Variants in COL5A1 observed in about 807,000 individuals in gnomAD.
COL5A1 encodes collagen type V alpha 1 chain.
COL5A1 carries 16 observed loss-of-function variants against 263.7 expected under a neutral mutation model. The observed-to-expected ratio is 0.06, with a 90% CI of 0.04 to 0.09. COL5A1 has a LOEUF of 0.09. Ranked by LOEUF, COL5A1 falls within the 10% of genes least tolerant of loss-of-function variation. The probability of loss-of-function intolerance (pLI) is 1.00; values close to 1 mark genes in which losing one functional copy is unlikely to be tolerated. For missense variants in COL5A1, 2,036 were observed against 2,540.5 expected (o/e 0.80, Z 4.27); for synonymous variants, 1,012 against 1,004.5 (o/e 1.01, Z -0.14).
chr9:134,809,421 C>G (rs1176758797), intron 43 of COL5A1, 131 bp downstream of exon 43: 1 of 742,502 alleles, frequency 1.3e-6, no homozygotes, highest in South Asian at 1.5e-5. Context: ...CCACACCCAC[C>G]CCGCAGTCCT....
chr9:134,687,308 T>C (rs1236796995), intron 1 of COL5A1, among the ~76,000 whole-genome samples: 1 of 152,036 alleles, frequency 6.6e-6, no homozygotes. Flanking sequence ...ACCTGGGAAG[T>C]GTAGTTTTTA....
chr9:134,739,827 C>T (rs949306258), intron 11 of COL5A1, among the ~76,000 whole-genome samples: 8 of 152,070 alleles, frequency 5.3e-5, no homozygotes, highest in African/African-American at 9.7e-5. Flanking sequence ...GGGCAGGCGG[C>T]GGCAGCCTTC....
At position 134,824,765 on chromosome 9, in the gene COL5A1, A is replaced by C. The variant is rs1189220718; in HGVS notation, c.4864A>C (p.Ile1622Leu). The stretch of plus-strand genomic sequence containing the variant: ...CTCTCTCAACTCTCTGAAGCTGGAG[A>C]TTGAGCAGATGAAACGGCCCCTGGG... ...FGSLNSLKLEIEQMKRPLGTQ... is the reference protein window; with the variant it reads ...FGSLNSLKLELEQMKRPLGTQ... Residue 1622 changes from isoleucine to leucine, a missense_variant, in exon 62 of 66, where the codon ATT becomes CTT. Physicochemically the swap from Ile to Leu is conservative, Grantham distance 5. This residue lies in a region of COL5A1 where 358 missense variants were observed against 384.6 expected (regional missense o/e 0.93). Coordinates refer to ENST00000371817, the MANE Select transcript of COL5A1 (RefSeq NM_000093.5). 1.2e-6 allele frequency: 2 copies of C among 1,614,154 alleles called. No homozygotes were observed. The highest frequency in any genetic ancestry group is 1.7e-6 in the Non-Finnish European group (2 of 1,180,050).
chr9:134,780,974 T>A (rs958750147), intron 28 of COL5A1, among the ~76,000 whole-genome samples: 1 of 152,240 alleles, frequency 6.6e-6, no homozygotes, highest in Non-Finnish European at 1.5e-5. Context: ...GTTGGTCCCC[T>A]TTGCTGGGCA....
intron 65 of COL5A1, among the ~76,000 whole-genome samples, chr9:134,835,751 G>A (rs374065174): frequency 4.6e-5 from 7 of 152,184 alleles, no homozygotes; most frequent in East Asian, 1.9e-4. Context: ...GAGACCTCAC[G>A]GGCAGTCAGG....
At chr9:134,807,134 C>A (rs11999660) in intron 42 of COL5A1, among the ~76,000 whole-genome samples, 33 of 152,338 alleles carry the variant, frequency 2.2e-4, no homozygotes, top group African/African-American at 7.7e-4. Context: ...GTGTCCCCTA[C>A]CTCTGCATTC....
At chr9:134,712,881 C>T (rs1225820423) in intron 4 of COL5A1, among the ~76,000 whole-genome samples, 1 of 151,956 alleles carries the variant, frequency 6.6e-6, no homozygotes, top group South Asian at 2.1e-4. Context: ...TTTCCAGGTG[C>T]CCCCAGCCCA....
Position 134,842,152 on chromosome 9 carries a change from C to G in COL5A1, c.5371-5C>G. Reference sequence around the variant, plus strand: ...CCACCGGCCATCTGTCTCCCTCTTCCCCAGACCAAGAAAGGCTACCAGAAG... The same window carrying G: ...CCACCGGCCATCTGTCTCCCTCTTCGCCAGACCAAGAAAGGCTACCAGAAG... On this transcript the variant is annotated splice_region_variant and splice_polypyrimidine_tract_variant and intron_variant, in intron 65 of 65. Transcript: ENST00000371817. The surrounding 1 kb of genome is among the most constrained non-coding windows in gnomAD (Gnocchi z 5.8). The G allele has an allele frequency of 6.2e-7, 1 of 1,614,154 alleles. No individual in the cohort carries two copies. Among genetic ancestry groups the G allele is most frequent in the Non-Finnish European group, 8.5e-7 (1 of 1,180,032 alleles).
intron 62 of COL5A1, 107 bp from the exon 63 acceptor site, chr9:134,825,685 G>A (rs1395742389): frequency 1.4e-6 from 1 of 719,652 alleles, no homozygotes; most frequent in African/African-American, 1.7e-5. Flanking sequence ...GCATTCCTGG[G>A]GCGTGCATTT....
At chr9:134,707,598 C>G (rs4548258) in intron 4 of COL5A1, among the ~76,000 whole-genome samples, 1 of 151,514 alleles carries the variant, frequency 6.6e-6, no homozygotes, top group African/African-American at 2.4e-5. Flanking sequence ...TCCCCCAGGG[C>G]GTCAGGCCCT....
intron 41 of COL5A1, 120 bp downstream of exon 41, chr9:134,805,334 T>C: frequency 8.3e-7 from 1 of 1,200,572 alleles, no homozygotes; most frequent in Non-Finnish European, 1.2e-6. Flanking sequence ...CTGGGGAGGA[T>C]GTGGAGGGGG....
At chr9:134,661,526 C>G (rs1832202714) in intron 1 of COL5A1, among the ~76,000 whole-genome samples, 1 of 151,900 alleles carries the variant, frequency 6.6e-6, no homozygotes, top group South Asian at 2.1e-4. Flanking sequence ...GTACGGTTCT[C>G]CTGACTCTGT....
chr9:134,708,548 A>G (rs1480580523), intron 4 of COL5A1: 1 of 517,146 alleles, frequency 1.9e-6, no homozygotes, highest in South Asian at 1.4e-5. Context: ...TGTAGGATCC[A>G]CCTCCGCTGT....
At chr9:134,756,658 C>A in intron 16 of COL5A1, 107 bp from the exon 17 acceptor site, 1 of 1,221,538 alleles carries the variant, frequency 8.2e-7, no homozygotes, top group Non-Finnish European at 1.2e-6. Flanking sequence ...TGGGGGTGGG[C>A]GCGGCTCTGG....
rs1381526913 is a variant in COL5A1, at chr9:134,677,611, C to T, written c.110-13301C>T. 6.6e-6 allele frequency among the ~76,000 whole-genome samples: 1 copy of T among 152,204 alleles called. No individual in the cohort carries two copies. The highest frequency in any genetic ancestry group is 1.5e-5 in the Non-Finnish European group (1 of 68,028). Reference sequence around the variant, plus strand: ...CTTCCCCCATCACTCCTTGGCACAGCCACCCTTCATCCAGCCGTCCCTGGG... The same window carrying T: ...CTTCCCCCATCACTCCTTGGCACAGTCACCCTTCATCCAGCCGTCCCTGGG... On this transcript the variant is annotated intron_variant, in intron 1 of 65. Transcript: ENST00000371817. The surrounding 1 kb of genome is among the most constrained non-coding windows in gnomAD (Gnocchi z 4.4).
At chr9:134,823,087 C>A in intron 60 of COL5A1, 54 bp downstream of exon 60, 1 of 1,593,464 alleles carries the variant, frequency 6.3e-7, no homozygotes, top group Non-Finnish European at 8.6e-7. Context: ...GGGAGGGCGA[C>A]GGGTCCCCTG....
At chr9:134,669,642 A>G (rs1487552167) in intron 1 of COL5A1, among the ~76,000 whole-genome samples, 2 of 152,160 alleles carry the variant, frequency 1.3e-5, no homozygotes, top group African/African-American at 4.8e-5. Flanking sequence ...ATCCAGTTGC[A>G]GCAGCAGCCG....
rs1321800352 is a variant in COL5A1 at position 134,686,433 on chromosome 9, G to C, written c.110-4479G>C. 6.6e-6 allele frequency among the ~76,000 whole-genome samples: 1 copy of C among 151,966 alleles called. No homozygotes were observed. The highest frequency in any genetic ancestry group is 1.5e-5 in the Non-Finnish European group (1 of 67,992). ...AAGCCCAGCTAATTTTTGTATTTAT[G>C]TAGAGACGGGGTTTTACCATGTTGC... On this transcript the variant is annotated intron_variant, in intron 1 of 65. Transcript: ENST00000371817. The surrounding 1 kb of genome is among the most constrained non-coding windows in gnomAD (Gnocchi z 4.6).
rs545266034 is a variant in COL5A1, at chr9:134,675,533, T to C, written c.110-15379T>C. On this transcript the variant is annotated intron_variant, in intron 1 of 65. Transcript: ENST00000371817. The stretch of plus-strand genomic sequence containing the variant: ...TTTATTGCCTGTTCTTTTTTGTTGT[T>C]GTTGTGGTTCTCTATTGCTGCGGAA... Among the ~76,000 whole-genome samples the C allele has an allele frequency of 1.4e-3, 207 of 152,342 alleles. 1 individual carries two copies. Among genetic ancestry groups the C allele is most frequent in the South Asian group, 6.6e-3 (32 of 4,826 alleles).
Sources: gnomAD v4.1 joint callset for allele counts (sites outside exome capture counted in the v4.1 genomes callset) on GRCh38, gnomAD v4.1.1 for gene constraint, gnomAD v4.1.1 regional missense constraint, Gnocchi (gnomAD v3.1) non-coding constraint, MANE v1.5 for transcripts, NCBI Gene and HGNC (gene_info 2026-07-23, HGNC 2026-07-21) for gene names.